Variants in DIAPH3 observed in about 807,000 individuals in gnomAD.
DIAPH3 encodes diaphanous related formin 3.
A neutral mutation model predicts 144.3 loss-of-function variants in DIAPH3; 117 were observed. The ratio of observed to expected loss-of-function variants is 0.81; its 90% CI spans 0.70 to 0.95. The LOEUF is 0.95. Ranked by LOEUF, DIAPH3 falls within the 40% of genes least tolerant of loss-of-function variation. The pLI is 0.00. For synonymous variants in DIAPH3, 519 were observed against 488.9 expected (o/e 1.06, Z -0.81); for missense variants, 1,421 against 1,412.7 (o/e 1.01, Z -0.09).
intron 9 of DIAPH3, among the ~76,000 whole-genome samples, chr13:59,996,863 A>G (rs2052225802): frequency 6.6e-6 from 1 of 152,100 alleles, no homozygotes; most frequent in Non-Finnish European, 1.5e-5. Flanking sequence ...GAATCAGCAA[A>G]GTGGCTTTCT....
intron 20 of DIAPH3, among the ~76,000 whole-genome samples, chr13:59,885,448 T>TA (rs67977635): frequency 0.55 from 50,860 of 92,828 alleles, 14,302 homozygotes; most frequent in East Asian, 0.71. Flanking sequence ...CTTCTTTCAC[T>TA]AAAAAAAAAA....
At chr13:59,859,165 A>C (rs938526720) in intron 22 of DIAPH3, among the ~76,000 whole-genome samples, 1 of 152,158 alleles carries the variant, frequency 6.6e-6, no homozygotes, top group Admixed American at 6.6e-5. Flanking sequence ...TATGCTTAAC[A>C]ATCACCTATA....
chr13:60,099,446 G>A (rs370214916), intron 3 of DIAPH3, among the ~76,000 whole-genome samples: 1 of 152,164 alleles, frequency 6.6e-6, no homozygotes, highest in African/African-American at 2.4e-5. Context: ...TGGGGACACA[G>A]TACAGTCAGT....
chr13:60,084,610 A>G (rs2137835008), intron 4 of DIAPH3, among the ~76,000 whole-genome samples: 1 of 152,266 alleles, frequency 6.6e-6, no homozygotes, highest in Middle Eastern at 3.4e-3. Context: ...GGAAAAAAAA[A>G]ATCCACAAAT....
At chr13:60,014,507 T>A (rs1420797068) in intron 7 of DIAPH3, among the ~76,000 whole-genome samples, 2 of 152,044 alleles carry the variant, frequency 1.3e-5, no homozygotes, top group African/African-American at 4.8e-5. Context: ...AAAGCTTAGC[T>A]CCAGAAAATG....
chr13:59,954,838 T>G (rs144082864), intron 17 of DIAPH3, among the ~76,000 whole-genome samples: 267 of 152,030 alleles, frequency 1.8e-3, no homozygotes, highest in African/African-American at 6.0e-3. Context: ...CCAGATCTCA[T>G]GAGAACTCAA....
At chr13:60,002,531 T>C (rs550489144) in intron 9 of DIAPH3, among the ~76,000 whole-genome samples, 1 of 152,318 alleles carries the variant, frequency 6.6e-6, no homozygotes, top group Admixed American at 6.5e-5. Context: ...CCTTTGTTTT[T>C]AACCTAGGAG....
At chr13:60,043,351 C>G (rs2055828051) in intron 4 of DIAPH3, among the ~76,000 whole-genome samples, 1 of 152,058 alleles carries the variant, frequency 6.6e-6, no homozygotes, top group East Asian at 1.9e-4. Flanking sequence ...TAACACAGCA[C>G]CAAGAGACTC....
At chr13:59,701,100 G>C (rs2034088038) in intron 27 of DIAPH3, among the ~76,000 whole-genome samples, 1 of 151,918 alleles carries the variant, frequency 6.6e-6, no homozygotes. Context: ...TTCTCTCCCA[G>C]CCTCTGCCTC....
intron 27 of DIAPH3, among the ~76,000 whole-genome samples, chr13:59,745,426 G>A (rs1232653128): frequency 6.6e-6 from 1 of 152,076 alleles, no homozygotes; most frequent in Non-Finnish European, 1.5e-5. Flanking sequence ...GTGTACCTAG[G>A]GTGTTGAGTT....
At chr13:60,030,700 T>C (rs1161720167) in intron 5 of DIAPH3, among the ~76,000 whole-genome samples, 2 of 152,130 alleles carry the variant, frequency 1.3e-5, no homozygotes, top group Admixed American at 6.5e-5. Context: ...TCAAAACAAG[T>C]GCACAAGAAA....
chr13:59,934,882 A>G (rs1237530841), intron 17 of DIAPH3, among the ~76,000 whole-genome samples: 3 of 152,180 alleles, frequency 2.0e-5, no homozygotes, highest in African/African-American at 4.8e-5. Context: ...CTTTGCATTT[A>G]CACTTGATCC....
chr13:59,843,207 A>G (rs1182366700), intron 22 of DIAPH3, among the ~76,000 whole-genome samples: 1 of 152,152 alleles, frequency 6.6e-6, no homozygotes, highest in Non-Finnish European at 1.5e-5. Flanking sequence ...GCAAAGACCA[A>G]ATATTTACTT....
At chr13:60,014,758 TC>T (rs34565842) in intron 7 of DIAPH3, among the ~76,000 whole-genome samples, 2 of 151,726 alleles carry the variant, frequency 1.3e-5, no homozygotes, top group Non-Finnish European at 2.9e-5. Flanking sequence ...AGGTAAAATT[TC>T]CCCCCCTGCT....
intron 20 of DIAPH3, among the ~76,000 whole-genome samples, chr13:59,892,204 G>A (rs1310947211): frequency 6.6e-6 from 1 of 151,918 alleles, no homozygotes; most frequent in African/African-American, 2.4e-5. Context: ...ATGGGGGGCA[G>A]CATCATTATA....
intron 3 of DIAPH3, among the ~76,000 whole-genome samples, chr13:60,111,667 C>T (rs184696868): frequency 1.3e-5 from 2 of 152,280 alleles, no homozygotes; most frequent in Non-Finnish European, 2.9e-5. Flanking sequence ...CCACCACCCC[C>T]CAAACGCTCA....
At chr13:59,993,099 GTT>G (rs1218965989) in intron 9 of DIAPH3, among the ~76,000 whole-genome samples, 1 of 151,866 alleles carries the variant, frequency 6.6e-6, no homozygotes, top group Non-Finnish European at 1.5e-5. Flanking sequence ...ATTTCTAGAA[GTT>G]AATTTATCAG....
At chr13:60,005,029 A>G (rs1456157363) in intron 9 of DIAPH3, among the ~76,000 whole-genome samples, 1 of 152,204 alleles carries the variant, frequency 6.6e-6, no homozygotes, top group Non-Finnish European at 1.5e-5. Context: ...AAATATGGCA[A>G]ATAAGCAGTA....
intron 27 of DIAPH3, among the ~76,000 whole-genome samples, chr13:59,719,140 A>C (rs2138889502): frequency 6.6e-6 from 1 of 152,316 alleles, no homozygotes; most frequent in East Asian, 1.9e-4. Context: ...CTTCTGACAT[A>C]CCATATAAAG....
Sources: gnomAD v4.1 joint callset for allele counts (sites outside exome capture counted in the v4.1 genomes callset) on GRCh38, gnomAD v4.1.1 for gene constraint, MANE v1.5 for transcripts, NCBI Gene and HGNC (gene_info 2026-07-23, HGNC 2026-07-21) for gene names.